The following ZC3HAV1 variants were observed in gnomAD, a reference collection of about 807,000 sequenced individuals.
ZC3HAV1 encodes the protein zinc finger CCCH-type antiviral protein 1.
Under a neutral mutation model 86.6 loss-of-function variants are expected in ZC3HAV1, and 41 were observed. The observed-to-expected ratio is 0.47, with a 90% CI of 0.37 to 0.61. ZC3HAV1 has a LOEUF of 0.61. ZC3HAV1 is among the 20% of genes least tolerant of loss of function. ZC3HAV1 has a pLI of 0.00. For synonymous variants in ZC3HAV1, 421 were observed against 432.1 expected (o/e 0.97, Z 0.32); for missense variants, 964 against 1,141.1 (o/e 0.84, Z 2.24).
rs941557146 is a variant in ZC3HAV1 at position 139,109,127 on chromosome 7, G to C, written c.205C>G (p.Arg69Gly). The change falls in exon 1 of 13, where the codon CGA (arginine) becomes GGA (glycine). Residue 69 changes from arginine (R) to glycine (G), a missense_variant. By Grantham distance (125) the Arg-to-Gly change is moderately radical. Coordinates refer to ENST00000242351, the MANE Select transcript of ZC3HAV1 (RefSeq NM_020119.4). The stretch of plus-strand genomic sequence containing the variant: ...TACTTGCGACGGCAGACCCGGGCTC[G>C]AGTGGTGGCCACCACCGATCGGGTG... ...GITRSVVATT[R>G]ARVCRRKYCQ... 1 of 1,591,640 alleles carries C rather than the reference G, an allele frequency of 6.3e-7. No homozygotes were observed.
At position 139,096,655 on chromosome 7, in the gene ZC3HAV1, C is replaced by T. The variant is rs905545386; in HGVS notation, c.309-6896G>A. Among the ~76,000 whole-genome samples, 6 of 152,126 alleles carry T rather than the reference C, an allele frequency of 3.9e-5. 1 individual carries two copies. Among genetic ancestry groups the T allele is most frequent in the African/African-American group, 1.4e-4 (6 of 41,420 alleles). ...AACCCCTAATCTCTGAGAAAGATCA[C>T]TTAAAGAAAAATCTTTCATTTATTC... On this transcript the variant is annotated intron_variant, in intron 1 of 12. Coordinates refer to ENST00000242351, the MANE Select transcript of ZC3HAV1 (RefSeq NM_020119.4).
chr7:139,064,253 G>A (rs1382994331), intron 8 of ZC3HAV1, among the ~76,000 whole-genome samples: 1 of 152,220 alleles, frequency 6.6e-6, no homozygotes, highest in South Asian at 2.1e-4. Flanking sequence ...GAAAGGGCAA[G>A]CACTTGATCA....
At chr7:139,063,672 C>T (rs925681680) in intron 8 of ZC3HAV1, among the ~76,000 whole-genome samples, 3 of 146,996 alleles carry the variant, frequency 2.0e-5, no homozygotes, top group Non-Finnish European at 4.4e-5. Context: ...TGCAGTGAGC[C>T]GTGATGGCAT....
chr7:139,055,205 CT>C lies in ZC3HAV1; in HGVS notation c.2186del (p.Lys729SerfsTer15). ...CCACCAAACATGTAAAACCAAGTAC[CT>C]TATATTTCTTTGAGGATAGGAAGCA... The part of the protein sequence containing the change: ...DFCFLSSKKY[K>X]LSEIHHLHPE... On this transcript the variant is annotated frameshift_variant and splice_region_variant, in exon 10 of 13. Coordinates refer to ENST00000242351, the MANE Select transcript of ZC3HAV1 (RefSeq NM_020119.4). LOFTEE classifies it high-confidence loss of function. 6.2e-7 allele frequency: 1 copy of C among 1,612,206 alleles called. No homozygotes were observed. Among genetic ancestry groups the C allele is most frequent in the South Asian group, 1.1e-5 (1 of 90,722 alleles).
chr7:139,067,243 G>A (rs968102298), intron 7 of ZC3HAV1, among the ~76,000 whole-genome samples: 5 of 152,026 alleles, frequency 3.3e-5, no homozygotes, highest in African/African-American at 1.2e-4. Context: ...CCGCCTCCTG[G>A]GTTCAAGCGA....
In ZC3HAV1 at chr7:139,069,826, C is replaced by A. The variant is rs147411917; in HGVS notation, c.1872+4030G>T. ...GGTTCCAACCCACAACTCTTAGTTG[C>A]CTGACTTATTCAAAATTCAGTTACA... is the stretch of plus-strand genomic sequence containing the variant. On this transcript the variant is annotated intron_variant, in intron 7 of 12. Coordinates refer to ENST00000242351, the MANE Select transcript of ZC3HAV1 (RefSeq NM_020119.4). Among the ~76,000 whole-genome samples, 61 of 152,310 alleles carry A rather than the reference C, an allele frequency of 4.0e-4. 2 individuals are homozygous for A. Among genetic ancestry groups the A allele is most frequent in the African/African-American group, 1.4e-3 (57 of 41,566 alleles).
chr7:139,091,697 G>T (rs1440435884), intron 1 of ZC3HAV1, among the ~76,000 whole-genome samples: 1 of 152,008 alleles, frequency 6.6e-6, no homozygotes, highest in East Asian at 1.9e-4. Flanking sequence ...GCTCACTACA[G>T]CCTCGAACTC....
chr7:139,083,372 T>C (rs1784259926), intron 3 of ZC3HAV1, among the ~76,000 whole-genome samples: 1 of 152,172 alleles, frequency 6.6e-6, no homozygotes, highest in Non-Finnish European at 1.5e-5. Flanking sequence ...TGAAGAGTTT[T>C]ACACGGCAAG....
In ZC3HAV1 at chr7:139,080,495, C is replaced by T. The variant is rs534798429; in HGVS notation, c.698-252G>A. Among the ~76,000 whole-genome samples the T allele has an allele frequency of 2.0e-5, 3 of 152,204 alleles. No homozygotes were observed. In the East Asian group the frequency reaches 5.8e-4, roughly 29 times the overall value. On this transcript the variant is annotated intron_variant, in intron 3 of 12. Transcript: ENST00000242351. Reference sequence around the variant, plus strand: ...CCCAGGCTGGAATGCAGTGGCCCGACCACAGCTCACTGCAAGCTCGAACTC... The same window carrying T: ...CCCAGGCTGGAATGCAGTGGCCCGATCACAGCTCACTGCAAGCTCGAACTC...
chr7:139,078,595 C>T lies in ZC3HAV1; in HGVS notation c.1530G>A (p.Glu510=), dbSNP rs1455585959. The T allele has an allele frequency of 1.9e-6, 3 of 1,591,292 alleles. No homozygotes were observed. The highest frequency in any genetic ancestry group is 1.9e-5 in the Admixed American group (1 of 52,596). ...TACACAGATGGTCAAGACAAATTTC[C>T]TCTGAGTCATGATCATCCACCCTAG... ...TSSRVDDHDS[E]EICLDHLCKG... is the part of the protein sequence containing the mutation. The change falls in exon 5 of 13, where the codon GAG becomes GAA. Residue 510 remains glutamate, a synonymous_variant. Transcript: ENST00000242351.
chr7:139,096,107 C>T lies in ZC3HAV1; in HGVS notation c.309-6348G>A, dbSNP rs1022926241. 7.2e-5 allele frequency among the ~76,000 whole-genome samples: 11 copies of T among 152,090 alleles called. 1 individual carries two copies. The highest frequency in any genetic ancestry group is 2.1e-4 in the South Asian group (1 of 4,828). ...TCAGCTCACCGCAACCTCCGCCTCC[C>T]GGGTTCAAGTGATTCTCCTGCCTCA... On this transcript the variant is annotated intron_variant, in intron 1 of 12. Coordinates refer to ENST00000242351, the MANE Select transcript of ZC3HAV1 (RefSeq NM_020119.4).
At chr7:139,093,806 G>A (rs1177450639) in intron 1 of ZC3HAV1, among the ~76,000 whole-genome samples, 3 of 152,116 alleles carry the variant, frequency 2.0e-5, no homozygotes, top group Non-Finnish European at 4.4e-5. Flanking sequence ...CTCTTCACAC[G>A]GACGCGAGTG....
chr7:139,063,027 CAAAAAA>C (rs58859916), intron 8 of ZC3HAV1, among the ~76,000 whole-genome samples: 6 of 68,102 alleles, frequency 8.8e-5, no homozygotes, highest in African/African-American at 2.7e-4. Flanking sequence ...GACTCTGTCT[CAAAAAA>C]AAAAAAAAAA....
Position 139,109,445 on chromosome 7 carries a change from G to A in ZC3HAV1, c.-114C>T, listed in dbSNP as rs1169269188. 1 of 1,339,060 alleles carries A rather than the reference G, an allele frequency of 7.5e-7. No individual in the cohort carries two copies. The highest frequency in any genetic ancestry group is 1.5e-5 in the African/African-American group (1 of 67,028). 82.9% of individuals were successfully genotyped at this position (1,339,060 alleles called of 1,614,324 possible). A position where few individuals can be genotyped will look rare whatever the true frequency, so the allele number is the denominator to read the frequency against. On this transcript the variant is annotated 5_prime_UTR_variant, in exon 1 of 13. Coordinates refer to ENST00000242351, the MANE Select transcript of ZC3HAV1 (RefSeq NM_020119.4). Reference sequence around the variant, plus strand: ...CGCGGGCGGTGCTACTGCTGGGCGCGCCCGGAGTCAGCGAGGGCGCGCTCT... The same window carrying A: ...CGCGGGCGGTGCTACTGCTGGGCGCACCCGGAGTCAGCGAGGGCGCGCTCT...
chr7:139,054,948 C>T (rs922924159), intron 10 of ZC3HAV1, among the ~76,000 whole-genome samples: 4 of 152,078 alleles, frequency 2.6e-5, no homozygotes, highest in Non-Finnish European at 5.9e-5. Flanking sequence ...CCGCCATGCC[C>T]GGCTAATTTT....
chr7:139,066,281 G>A (rs915014588), intron 7 of ZC3HAV1, among the ~76,000 whole-genome samples: 25 of 152,224 alleles, frequency 1.6e-4, no homozygotes, highest in African/African-American at 5.1e-4. Context: ...CTGGACCGAC[G>A]CCCCTTCCTC....
chr7:139,043,561 A>C lies in ZC3HAV1; in HGVS notation c.*4033T>G, dbSNP rs1815877907. ...ATTAGACAGTTCAAATTAAGCTTGA[A>C]GAACAGGAAGCAATACAACTCAACT... On this transcript the variant is annotated 3_prime_UTR_variant, in exon 13 of 13. Transcript: ENST00000242351. The C allele has an allele frequency of 6.6e-6, 1 of 152,226 alleles. No individual in the cohort carries two copies. Among genetic ancestry groups the C allele is most frequent in the Non-Finnish European group, 1.5e-5 (1 of 68,050 alleles). 9.4% of individuals were successfully genotyped at this position (152,226 alleles called of 1,614,324 possible).
intron 1 of ZC3HAV1, among the ~76,000 whole-genome samples, chr7:139,105,273 CTA>C (rs778374918): frequency 1.1e-4 from 17 of 152,178 alleles, no homozygotes; most frequent in Non-Finnish European, 1.6e-4. Flanking sequence ...CTGCCAGCTT[CTA>C]GTTATGTTAC....
intron 9 of ZC3HAV1, among the ~76,000 whole-genome samples, chr7:139,056,577 G>A (rs1439349300): frequency 1.3e-5 from 2 of 151,582 alleles, no homozygotes; most frequent in African/African-American, 2.4e-5. Context: ...TTTTTAAAAA[G>A]TTTTTGTAGA....
Sources: allele counts gnomAD v4.1 joint callset (sites outside exome capture counted in the v4.1 genomes callset), GRCh38; gene constraint gnomAD v4.1.1; transcripts MANE v1.5; gene names NCBI Gene and HGNC (gene_info 2026-07-23, HGNC 2026-07-21).